MBNL1: variants seen among roughly 807,000 people sequenced by gnomAD.
The protein encoded by MBNL1 is muscleblind-like protein 1.
Under a neutral mutation model 42.2 loss-of-function variants are expected in MBNL1, and 8 were observed. That is an observed-to-expected ratio of 0.19 (90% CI 0.11 to 0.34). The LOEUF is 0.34. MBNL1 is among the 10% of genes least tolerant of loss of function. MBNL1 has a pLI of 1.00. For synonymous variants in MBNL1, 169 were observed against 173.9 expected (o/e 0.97, Z 0.22); for missense variants, 309 against 495.3 (o/e 0.62, Z 3.57).
rs1560023647 is a variant in MBNL1, at chr3:152,292,943, ATT to A, written c.-789-6457_-789-6456del. On this transcript the variant is annotated intron_variant, in intron 1 of 9. Transcript: ENST00000324210. Reference sequence around the variant, plus strand: ...GTCACCCTGCCTGGCTAATTTTTGTATTTTTTGTAGATATAGGGTCCTACTAT... The same window carrying A: ...GTCACCCTGCCTGGCTAATTTTTGTATTTTGTAGATATAGGGTCCTACTAT... 3.3e-5 allele frequency among the ~76,000 whole-genome samples: 5 copies of A among 151,730 alleles called. No individual in the cohort carries two copies. In the South Asian group the frequency reaches 1.0e-3, roughly 32 times the overall value.
At chr3:152,272,435 A>T (rs1292027676) in intron 1 of MBNL1, among the ~76,000 whole-genome samples, 1 of 152,158 alleles carries the variant, frequency 6.6e-6, no homozygotes, top group Admixed American at 6.5e-5. Context: ...CATTTTAGAG[A>T]CACTGTAGTT....
chr3:152,281,859 A>G (rs1236555044), intron 1 of MBNL1, among the ~76,000 whole-genome samples: 4 of 152,104 alleles, frequency 2.6e-5, no homozygotes, highest in Non-Finnish European at 4.4e-5. Flanking sequence ...CAAACATATC[A>G]TTGAAAATTT....
At chr3:152,368,380 T>G (rs2153224364) in intron 2 of MBNL1, among the ~76,000 whole-genome samples, 1 of 152,218 alleles carries the variant, frequency 6.6e-6, no homozygotes, top group East Asian at 1.9e-4. Context: ...ATATCTGTTT[T>G]GCTAGCAGTA....
rs116073057 is a variant in MBNL1 at position 152,439,581 on chromosome 3, T to C, written c.550-5701T>C. 5.8e-3 allele frequency among the ~76,000 whole-genome samples: 876 copies of C among 152,342 alleles called. 8 individuals carry two copies. The highest frequency in any genetic ancestry group is 0.02 in the African/African-American group (836 of 41,572). ...GTTTTTTTATATCTGTAATAAACTTTAGAATGGCTCTTAAAAATGTAGTCA... is the reference window on the plus strand; with the variant it reads ...GTTTTTTTATATCTGTAATAAACTTCAGAATGGCTCTTAAAAATGTAGTCA... On this transcript the variant is annotated intron_variant, in intron 4 of 9. Transcript: ENST00000324210.
intron 1 of MBNL1, among the ~76,000 whole-genome samples, chr3:152,293,147 G>A (rs1297854056): frequency 2.0e-5 from 3 of 152,108 alleles, no homozygotes; most frequent in Non-Finnish European, 4.4e-5. Flanking sequence ...ACTAGTTTTA[G>A]CATTCTAATC....
intron 4 of MBNL1, among the ~76,000 whole-genome samples, chr3:152,434,639 T>C (rs912865889): frequency 2.0e-5 from 3 of 152,240 alleles, no homozygotes; most frequent in African/African-American, 4.8e-5. Flanking sequence ...TGTTCCACAA[T>C]GGTTGAATTA....
intron 1 of MBNL1, among the ~76,000 whole-genome samples, chr3:152,273,975 A>C (rs544601134): frequency 1.3e-5 from 2 of 152,334 alleles, no homozygotes; most frequent in East Asian, 3.9e-4. Flanking sequence ...AAATAATATC[A>C]TACTATTAAG....
At chr3:152,289,698 A>T (rs2054726546) in intron 1 of MBNL1, among the ~76,000 whole-genome samples, 1 of 152,168 alleles carries the variant, frequency 6.6e-6, no homozygotes, top group African/African-American at 2.4e-5. Flanking sequence ...GTTTGAGATT[A>T]TTTGTTAAAA....
chr3:152,315,028 G>T (rs185825335), intron 2 of MBNL1, among the ~76,000 whole-genome samples: 7 of 152,332 alleles, frequency 4.6e-5, no homozygotes, highest in Middle Eastern at 3.4e-3. Context: ...GTGACAATGA[G>T]TTAATTGTAT....
At chr3:152,273,283 G>A (rs1338628078) in intron 1 of MBNL1, among the ~76,000 whole-genome samples, 1 of 152,034 alleles carries the variant, frequency 6.6e-6, no homozygotes, top group Admixed American at 6.5e-5. Flanking sequence ...TTAAATTTGA[G>A]GTAGAGAAAT....
chr3:152,421,974 A>T (rs2098812726), intron 3 of MBNL1, among the ~76,000 whole-genome samples: 1 of 152,144 alleles, frequency 6.6e-6, no homozygotes, highest in African/African-American at 2.4e-5. Flanking sequence ...ACTAAAAAAA[A>T]AAATACCAAA....
chr3:152,403,032 A>C (rs1415131214), intron 2 of MBNL1, among the ~76,000 whole-genome samples: 1 of 152,210 alleles, frequency 6.6e-6, no homozygotes, highest in African/African-American at 2.4e-5. Flanking sequence ...CAGCACAGGT[A>C]GAGAGTGTAG....
intron 6 of MBNL1, among the ~76,000 whole-genome samples, chr3:152,452,771 CTT>C (rs1725901998): frequency 6.6e-6 from 1 of 152,170 alleles, no homozygotes; most frequent in Non-Finnish European, 1.5e-5. Flanking sequence ...AATCACACCT[CTT>C]GTCTCCCTCT....
intron 2 of MBNL1, among the ~76,000 whole-genome samples, chr3:152,396,619 C>G (rs2097953212): frequency 6.6e-6 from 1 of 152,184 alleles, no homozygotes; most frequent in Non-Finnish European, 1.5e-5. Flanking sequence ...ACCCTGGTTT[C>G]ACAGCGCACT....
At chr3:152,357,412 A>G (rs2095607192) in intron 2 of MBNL1, among the ~76,000 whole-genome samples, 1 of 152,230 alleles carries the variant, frequency 6.6e-6, no homozygotes, top group Non-Finnish European at 1.5e-5. Context: ...TGAGTTGTGT[A>G]TAAAATAATA....
intron 2 of MBNL1, among the ~76,000 whole-genome samples, chr3:152,365,818 C>A (rs1162093041): frequency 6.6e-6 from 1 of 152,028 alleles, no homozygotes; most frequent in African/African-American, 2.4e-5. Context: ...GCTTAAGGGA[C>A]CTTTTTTCTC....
intron 2 of MBNL1, among the ~76,000 whole-genome samples, chr3:152,312,513 T>C (rs1164575598): frequency 6.6e-6 from 1 of 152,246 alleles, no homozygotes; most frequent in Non-Finnish European, 1.5e-5. Flanking sequence ...TTCAGTGTCA[T>C]GCTCATGTAA....
In MBNL1 at chr3:152,362,063, G is replaced by A. The variant is rs75222148; in HGVS notation, c.175-52878G>A. Among the ~76,000 whole-genome samples the A allele has an allele frequency of 3.4e-3, 519 of 152,302 alleles. 2 individuals are homozygous for A. Among genetic ancestry groups the A allele is most frequent in the African/African-American group, 0.012 (502 of 41,574 alleles). On this transcript the variant is annotated intron_variant, in intron 2 of 9. Coordinates refer to ENST00000324210, the MANE Select transcript of MBNL1 (RefSeq NM_021038.5). ...ACCTGGCTTTGTAAAAGGACTAGAT[G>A]TCATTTAGAGCATTTTATTTCTTGC...
At chr3:152,269,423 C>T (rs2149658617) in intron 1 of MBNL1, 1 of 428,204 alleles carries the variant, frequency 2.3e-6, no homozygotes, top group East Asian at 7.5e-5. Flanking sequence ...TGCAAGTGTA[C>T]TCACAACTTA....
Sources: gnomAD v4.1 joint callset for allele counts (sites outside exome capture counted in the v4.1 genomes callset) on GRCh38, gnomAD v4.1.1 for gene constraint, MANE v1.5 for transcripts, NCBI Gene and HGNC (gene_info 2026-07-23, HGNC 2026-07-21) for gene names.